SLC35F4: variants seen among roughly 807,000 people sequenced by gnomAD.
The protein encoded by SLC35F4 is chromosome 14 open reading frame 36.
A neutral mutation model predicts 44.2 loss-of-function variants in SLC35F4; 24 were observed. That is an observed-to-expected ratio of 0.54 (90% CI 0.39 to 0.76). SLC35F4 has a LOEUF of 0.76. SLC35F4 is among the 30% of genes least tolerant of loss of function. The pLI, the probability that SLC35F4 is intolerant of heterozygous loss-of-function variation, is 0.00. For synonymous variants in SLC35F4, 238 were observed against 223.6 expected (o/e 1.06, Z -0.57); for missense variants, 562 against 586.1 (o/e 0.96, Z 0.42).
At chr14:57,885,209 C>A (rs1888620796) in intron 1 of SLC35F4, among the ~76,000 whole-genome samples, 1 of 152,160 alleles carries the variant, frequency 6.6e-6, no homozygotes, top group Non-Finnish European at 1.5e-5. Context: ...CTGCCCAGCT[C>A]ATCTAATCAC....
intron 1 of SLC35F4, among the ~76,000 whole-genome samples, chr14:57,963,790 G>T (rs570984010): frequency 7.9e-6 from 1 of 126,522 alleles, no homozygotes; most frequent in African/African-American, 3.0e-5. Context: ...TCGTGCAATC[G>T]TATTTCACTG....
chr14:57,747,180 G>C (rs2076777501), intron 1 of SLC35F4, among the ~76,000 whole-genome samples: 1 of 152,076 alleles, frequency 6.6e-6, no homozygotes. Flanking sequence ...AGAACAAAGG[G>C]CCTGGCTGTT....
At chr14:57,644,479 A>G (rs1350231666) in intron 1 of SLC35F4, among the ~76,000 whole-genome samples, 6 of 150,642 alleles carry the variant, frequency 4.0e-5, no homozygotes, top group Non-Finnish European at 7.4e-5. Context: ...TTTCCTTGTA[A>G]ATTTGTTTGA....
rs1038006747 is a variant in SLC35F4, at chr14:57,775,396, A to T, written c.103+90327T>A. ...TGTTTTGGCTGGCACCAGCCATTGG[A>T]GTCTTGGAACCAGTGGTCCAGGAGC... On this transcript the variant is annotated intron_variant, in intron 1 of 7. Coordinates refer to ENST00000556826, the MANE Select transcript of SLC35F4 (RefSeq NM_001306087.2). Among the ~76,000 whole-genome samples, 8 of 152,300 alleles carry T rather than the reference A, an allele frequency of 5.3e-5. No individual in the cohort carries two copies. The Middle Eastern group carries it at 0.01, about 194-fold the overall frequency.
intron 1 of SLC35F4, among the ~76,000 whole-genome samples, chr14:57,692,314 T>C (rs1357230147): frequency 2.0e-5 from 3 of 152,198 alleles, no homozygotes; most frequent in African/African-American, 4.8e-5. Context: ...CAATGTCGAA[T>C]TGCTATTAAC....
chr14:57,883,097 C>T (rs79222381), intron 1 of SLC35F4, among the ~76,000 whole-genome samples: 12,603 of 151,882 alleles, frequency 0.083, 595 homozygotes, highest in Middle Eastern at 0.15. Flanking sequence ...ACAGCAGCAG[C>T]GAGCCCACTT....
intron 1 of SLC35F4, among the ~76,000 whole-genome samples, chr14:57,671,479 G>A (rs2074520512): frequency 6.6e-6 from 1 of 151,928 alleles, no homozygotes; most frequent in Admixed American, 6.6e-5. Flanking sequence ...GACACACCAT[G>A]GGCCAGAAGG....
intron 1 of SLC35F4, among the ~76,000 whole-genome samples, chr14:57,785,197 G>A (rs1044181462): frequency 6.6e-6 from 1 of 152,030 alleles, no homozygotes; most frequent in Non-Finnish European, 1.5e-5. Flanking sequence ...ATTAAGCCTC[G>A]GTTACCTGAA....
chr14:57,860,680 C>T (rs757639484), intron 1 of SLC35F4, among the ~76,000 whole-genome samples: 3 of 152,100 alleles, frequency 2.0e-5, no homozygotes, highest in African/African-American at 7.2e-5. Context: ...TAATGGAATA[C>T]AATAAAACAT....
chr14:57,900,408 TG>T (rs1317264595), intron 1 of SLC35F4, among the ~76,000 whole-genome samples: 1 of 152,026 alleles, frequency 6.6e-6, no homozygotes, highest in Non-Finnish European at 1.5e-5. Flanking sequence ...CGGGGTCATG[TG>T]CTCACCTCTG....
Position 57,704,267 on chromosome 14 carries a change from C to T in SLC35F4, c.104-110143G>A, listed in dbSNP as rs184157953. On this transcript the variant is annotated intron_variant, in intron 1 of 7. Coordinates refer to ENST00000556826, the MANE Select transcript of SLC35F4 (RefSeq NM_001306087.2). ...GGTTTCCTATGTGTAAAAGTCTGGT[C>T]GGACGGAAACCTCTGAACTAAGAGT... Among the ~76,000 whole-genome samples, 627 of 152,188 alleles carry T rather than the reference C, an allele frequency of 4.1e-3. 1 individual carries two copies. Among genetic ancestry groups the T allele is most frequent in the Non-Finnish European group, 6.9e-3 (466 of 67,998 alleles).
At chr14:57,821,899 G>A (rs1197403266) in intron 1 of SLC35F4, among the ~76,000 whole-genome samples, 1 of 152,168 alleles carries the variant, frequency 6.6e-6, no homozygotes, top group Admixed American at 6.5e-5. Context: ...TGGGAGCAGG[G>A]CCAGGAATAG....
chr14:57,640,601 A>G (rs540181020), intron 1 of SLC35F4, among the ~76,000 whole-genome samples: 78 of 152,162 alleles, frequency 5.1e-4, no homozygotes, highest in African/African-American at 1.8e-3. Flanking sequence ...TCCTTATTCA[A>G]TGAGGCATTA....
intron 1 of SLC35F4, among the ~76,000 whole-genome samples, chr14:57,732,878 AGACTT>A (rs1450901855): frequency 6.6e-6 from 1 of 152,172 alleles, no homozygotes; most frequent in African/African-American, 2.4e-5. Flanking sequence ...GCAAAATAAA[AGACTT>A]GACTTCAAAA....
intron 1 of SLC35F4, among the ~76,000 whole-genome samples, chr14:57,780,155 C>G (rs2077582040): frequency 6.6e-6 from 1 of 152,148 alleles, no homozygotes; most frequent in Admixed American, 6.5e-5. Context: ...TCCCTGTTTG[C>G]AGATGACATG....
intron 1 of SLC35F4, among the ~76,000 whole-genome samples, chr14:57,863,938 T>G (rs1364120784): frequency 6.6e-6 from 1 of 152,230 alleles, no homozygotes; most frequent in Non-Finnish European, 1.5e-5. Flanking sequence ...GCCAGTGCTC[T>G]TCCCTTTTTT....
intron 1 of SLC35F4, among the ~76,000 whole-genome samples, chr14:57,736,317 G>T (rs1427932636): frequency 2.0e-5 from 3 of 152,148 alleles, no homozygotes; most frequent in African/African-American, 4.8e-5. Flanking sequence ...GAAGAAAAGG[G>T]TTTTCTCCCC....
intron 1 of SLC35F4, among the ~76,000 whole-genome samples, chr14:57,940,409 T>C (rs1484636899): frequency 2.0e-5 from 3 of 152,212 alleles, no homozygotes; most frequent in African/African-American, 7.2e-5. Flanking sequence ...AAATTGTTTT[T>C]TTTTAAGTTG....
At chr14:57,933,892 A>G (rs1362035862) in intron 1 of SLC35F4, among the ~76,000 whole-genome samples, 1 of 152,194 alleles carries the variant, frequency 6.6e-6, no homozygotes, top group African/African-American at 2.4e-5. Context: ...GACACGAAAA[A>G]ATATATATAA....
Sources: allele counts gnomAD v4.1 joint callset (sites outside exome capture counted in the v4.1 genomes callset), GRCh38; gene constraint gnomAD v4.1.1; transcripts MANE v1.5; gene names NCBI Gene and HGNC (gene_info 2026-07-23, HGNC 2026-07-21).